ESR1: variants seen among roughly 807,000 people sequenced by gnomAD.
ESR1 encodes estrogen receptor.
ESR1 carries 12 observed loss-of-function variants against 52.7 expected under a neutral mutation model. That is an observed-to-expected ratio of 0.23 (90% CI 0.15 to 0.37). ESR1 has a LOEUF of 0.37. ESR1 is among the 10% of genes least tolerant of loss of function. The pLI is 1.00. For synonymous variants in ESR1, 305 were observed against 316.8 expected (o/e 0.96, Z 0.39); for missense variants, 584 against 779.7 (o/e 0.75, Z 2.99).
At chr6:151,907,471 T>C (rs958314878) in intron 3 of ESR1, among the ~76,000 whole-genome samples, 4 of 152,128 alleles carry the variant, frequency 2.6e-5, no homozygotes, top group Non-Finnish European at 5.9e-5. Flanking sequence ...ACATATCTTT[T>C]TAAAAATTAT....
rs1179326500 is a variant in ESR1 at position 152,099,883 on chromosome 6, A to G, written c.*917A>G. 2 of 397,544 alleles carry G rather than the reference A, an allele frequency of 5.0e-6. No homozygotes were observed. Among genetic ancestry groups the G allele is most frequent in the Non-Finnish European group, 8.9e-6 (2 of 225,816 alleles). The allele number at this position is 397,544 out of a possible 1,614,324, so 24.6% of individuals were successfully genotyped here. A position where few individuals can be genotyped will look rare whatever the true frequency, so the allele number is the denominator to read the frequency against. On this transcript the variant is annotated 3_prime_UTR_variant, in exon 8 of 8. Coordinates refer to ENST00000206249, the MANE Select transcript of ESR1 (RefSeq NM_000125.4). Reference sequence around the variant, plus strand: ...GATCTTCCCGGCGTGTGTGTGCCTTACACAGGGGTGAACTGTTCACTGTGG... The same window carrying G: ...GATCTTCCCGGCGTGTGTGTGCCTTGCACAGGGGTGAACTGTTCACTGTGG...
intron 1 of ESR1, among the ~76,000 whole-genome samples, chr6:151,835,171 TA>T (rs1339537158): frequency 6.6e-6 from 1 of 152,060 alleles, no homozygotes; most frequent in Non-Finnish European, 1.5e-5. Flanking sequence ...TACTAGATCA[TA>T]GGGGCAAAAT....
At chr6:151,943,008 A>G (rs1469624149) in intron 3 of ESR1, among the ~76,000 whole-genome samples, 1 of 152,142 alleles carries the variant, frequency 6.6e-6, no homozygotes, top group African/African-American at 2.4e-5. Context: ...CCAAACCTCA[A>G]AGAATCACTG....
chr6:151,908,688 G>A (rs1184769450), intron 3 of ESR1, among the ~76,000 whole-genome samples: 1 of 152,040 alleles, frequency 6.6e-6, no homozygotes, highest in South Asian at 2.1e-4. Flanking sequence ...CTGTATCAAA[G>A]TTTCTTTTGA....
chr6:151,787,535 T>C (rs1308929540), intron 2 of ESR1, among the ~76,000 whole-genome samples: 1 of 152,182 alleles, frequency 6.6e-6, no homozygotes, highest in Non-Finnish European at 1.5e-5. Context: ...CAGGGTTTTG[T>C]AGTTCTTCTT....
At chr6:152,008,303 C>G (rs1459256348) in intron 4 of ESR1, among the ~76,000 whole-genome samples, 1 of 152,110 alleles carries the variant, frequency 6.6e-6, no homozygotes, top group Non-Finnish European at 1.5e-5. Context: ...CCCTTGTCTG[C>G]AGGCAATATG....
chr6:151,986,628 T>TC (rs985768714), intron 4 of ESR1, among the ~76,000 whole-genome samples: 5 of 152,164 alleles, frequency 3.3e-5, no homozygotes, highest in Non-Finnish European at 7.3e-5. Flanking sequence ...GCAAAATAAT[T>TC]CAAGTGCAGT....
intron 1 of ESR1, among the ~76,000 whole-genome samples, chr6:151,819,893 T>G (rs781502915): frequency 2.6e-5 from 4 of 152,216 alleles, no homozygotes; most frequent in Non-Finnish European, 5.9e-5. Flanking sequence ...CTAATTCATT[T>G]ATCATATTCA....
chr6:152,051,560 C>T (rs2046682184), intron 5 of ESR1, among the ~76,000 whole-genome samples: 1 of 152,056 alleles, frequency 6.6e-6, no homozygotes, highest in Non-Finnish European at 1.5e-5. Flanking sequence ...TTTGCAGGCT[C>T]ATCTTTCTCT....
At chr6:151,923,768 C>T (rs1323984075) in intron 3 of ESR1, among the ~76,000 whole-genome samples, 1 of 152,202 alleles carries the variant, frequency 6.6e-6, no homozygotes, top group African/African-American at 2.4e-5. Flanking sequence ...CTGCTCTAAA[C>T]ATTTTTGTGC....
At chr6:151,936,126 G>A (rs1451119224) in intron 3 of ESR1, 1 of 152,196 alleles carries the variant, frequency 6.6e-6, no homozygotes, top group African/African-American at 2.4e-5. Context: ...ACTGTAAAGG[G>A]ATAGACAACA....
At chr6:151,955,410 TAAAGA>T (rs1284472656) in intron 4 of ESR1, among the ~76,000 whole-genome samples, 1 of 152,106 alleles carries the variant, frequency 6.6e-6, no homozygotes, top group Non-Finnish European at 1.5e-5. Context: ...TTTACCAAAA[TAAAGA>T]AAAGTTATAA....
chr6:151,727,127 A>G (rs1490747522), intron 2 of ESR1, among the ~76,000 whole-genome samples: 1 of 151,966 alleles, frequency 6.6e-6, no homozygotes, highest in Non-Finnish European at 1.5e-5. Flanking sequence ...AAATATACCA[A>G]TTTTTCTATA....
intron 2 of ESR1, among the ~76,000 whole-genome samples, chr6:151,855,267 C>T (rs1029999197): frequency 6.6e-6 from 1 of 152,170 alleles, no homozygotes; most frequent in South Asian, 2.1e-4. Context: ...CCAGTTAAGC[C>T]ATGATGGTAT....
chr6:151,987,444 A>G (rs990274376), intron 4 of ESR1, among the ~76,000 whole-genome samples: 2 of 152,050 alleles, frequency 1.3e-5, no homozygotes, highest in Non-Finnish European at 2.9e-5. Flanking sequence ...TTTTTAGTAG[A>G]GATGGTGTTT....
chr6:151,857,023 G>T (rs553594837), intron 2 of ESR1, among the ~76,000 whole-genome samples: 1 of 152,210 alleles, frequency 6.6e-6, no homozygotes, highest in East Asian at 1.9e-4. Context: ...TAAAAAGTTT[G>T]ATTCAAGAGT....
intron 6 of ESR1, among the ~76,000 whole-genome samples, chr6:152,068,502 G>C (rs1396646930): frequency 6.6e-6 from 1 of 151,004 alleles, no homozygotes; most frequent in Non-Finnish European, 1.5e-5. Context: ...AATTATCCCA[G>C]AGTGGTGCCT....
chr6:151,744,498 G>T (rs564233826), intron 2 of ESR1, among the ~76,000 whole-genome samples: 91 of 152,104 alleles, frequency 6.0e-4, no homozygotes, highest in African/African-American at 2.2e-3. Context: ...CAGGCATATT[G>T]GCCATTTGCA....
chr6:151,722,963 A>T (rs1293960243), intron 2 of ESR1, among the ~76,000 whole-genome samples: 1 of 152,190 alleles, frequency 6.6e-6, no homozygotes, highest in Non-Finnish European at 1.5e-5. Context: ...AAAGCAGGAT[A>T]TCATACTTTT....
Sources: allele counts gnomAD v4.1 joint callset (sites outside exome capture counted in the v4.1 genomes callset), GRCh38; gene constraint gnomAD v4.1.1; transcripts MANE v1.5; gene names NCBI Gene and HGNC (gene_info 2026-07-23, HGNC 2026-07-21).